The following SMCHD1 variants were observed in gnomAD, a reference collection of about 807,000 sequenced individuals.
SMCHD1 encodes structural maintenance of chromosomes flexible hinge domain containing 1, also known as structural maintenance of chromosomes flexible hinge domain-containing protein 1.
SMCHD1 carries 78 observed loss-of-function variants against 254.7 expected under a neutral mutation model. The ratio of observed to expected loss-of-function variants is 0.31; its 90% CI spans 0.26 to 0.37. The LOEUF is 0.37. SMCHD1 is among the 10% of genes least tolerant of loss of function. The pLI is 1.00. For synonymous variants in SMCHD1, 766 were observed against 794.9 expected, an observed-to-expected ratio of 0.96 and a Z score of 0.61; for missense variants, 1,840 against 2,408.1, an observed-to-expected ratio of 0.76 and a Z score of 4.94.
At chr18:2,777,056 A>ACCCCCCCCCCC (rs140799401) in intron 42 of SMCHD1, among the ~76,000 whole-genome samples, 1 of 90,630 alleles carries the variant, frequency 1.1e-5, no homozygotes, top group African/African-American at 3.1e-5. Flanking sequence ...GGCATGCACC[A>ACCCCCCCCCCC]CCACCTCCCC....
intron 19 of SMCHD1, among the ~76,000 whole-genome samples, chr18:2,722,093 A>G (rs970297424): frequency 5.3e-5 from 8 of 152,190 alleles, no homozygotes; most frequent in African/African-American, 1.9e-4. Flanking sequence ...TCGAGCTTCT[A>G]TTTAACTTCA....
intron 5 of SMCHD1, among the ~76,000 whole-genome samples, chr18:2,678,750 C>T (rs1004966242): frequency 2.0e-5 from 3 of 152,000 alleles, no homozygotes; most frequent in South Asian, 2.1e-4. Flanking sequence ...CCATTAGGGC[C>T]GATCTGCCAA....
chr18:2,789,278 C>T (rs143611289), intron 45 of SMCHD1, among the ~76,000 whole-genome samples: 14 of 151,796 alleles, frequency 9.2e-5, no homozygotes, highest in African/African-American at 3.1e-4. Context: ...TGGTCCCAGG[C>T]GATCTGCCTG....
intron 5 of SMCHD1, 113 bp from the exon 6 acceptor site, chr18:2,688,280 TA>T: frequency 1.4e-6 from 1 of 696,862 alleles, no homozygotes. Flanking sequence ...ACCTTTCAGT[TA>T]GGGGTGTTTG....
intron 34 of SMCHD1, among the ~76,000 whole-genome samples, chr18:2,756,686 C>A (rs1270514814): frequency 6.6e-6 from 1 of 152,102 alleles, no homozygotes; most frequent in Non-Finnish European, 1.5e-5. Context: ...ACCTCCACCT[C>A]CCTGTTCAAG....
chr18:2,656,079 G>C lies in SMCHD1; in HGVS notation c.4G>C (p.Ala2Pro). The C allele has an allele frequency of 7.1e-7, 1 of 1,399,874 alleles. No homozygotes were observed. The highest frequency in any genetic ancestry group is 9.3e-7 in the Non-Finnish European group (1 of 1,074,600). 86.7% of individuals were successfully genotyped at this position (1,399,874 alleles called of 1,614,324 possible). Residue 2 changes from alanine to proline, a missense_variant, in exon 1 of 48, where the codon GCA (alanine) becomes CCA (proline). By Grantham distance (27) the Ala-to-Pro change is conservative (BLOSUM62 -1). This residue lies in a region of SMCHD1 where 115 missense variants were observed against 99.1 expected (regional missense o/e 1.16). Coordinates refer to ENST00000320876, the MANE Select transcript of SMCHD1 (RefSeq NM_015295.3). M[A>P]AADGGGPGGA... ...GTCTTTTCTCCTTTTCCCCAATATGGCAGCGGCGGACGGCGGCGGGCCTGG... is the reference window on the plus strand; with the variant it reads ...GTCTTTTCTCCTTTTCCCCAATATGCCAGCGGCGGACGGCGGCGGGCCTGG...
chr18:2,668,157 G>A (rs992301333), intron 3 of SMCHD1, among the ~76,000 whole-genome samples: 4 of 152,136 alleles, frequency 2.6e-5, no homozygotes, highest in African/African-American at 4.8e-5. Flanking sequence ...TGGGATTACA[G>A]GTATAAGCCA....
chr18:2,790,604 AC>A (rs2076304007), intron 45 of SMCHD1, among the ~76,000 whole-genome samples: 1 of 152,140 alleles, frequency 6.6e-6, no homozygotes, highest in African/African-American at 2.4e-5. Flanking sequence ...TACTAAAAAT[AC>A]AAAAAATTAG....
rs1002622606 is a variant in SMCHD1, at chr18:2,778,004, C to T, written c.5476+89C>T. The T allele has an allele frequency of 3.9e-5, 40 of 1,026,072 alleles. No individual in the cohort carries two copies. In the African/African-American group the frequency reaches 6.3e-4, roughly 16 times the overall value. 63.6% of individuals were successfully genotyped at this position (1,026,072 alleles called of 1,614,324 possible). A position where few individuals can be genotyped will look rare whatever the true frequency, so the allele number is the denominator to read the frequency against. On this transcript the variant is annotated intron_variant, in intron 43 of 47. Coordinates refer to ENST00000320876, the MANE Select transcript of SMCHD1 (RefSeq NM_015295.3). ...ATTACTGATAATGAAAATTTATATT[C>T]TTATTTTGCTTATCAGTCATAGTTT...
chr18:2,683,696 G>C (rs1012543770), intron 5 of SMCHD1, among the ~76,000 whole-genome samples: 49 of 152,140 alleles, frequency 3.2e-4, no homozygotes, highest in African/African-American at 1.2e-3. Flanking sequence ...GTAGTAACTA[G>C]GGGGTATTGA....
chr18:2,660,081 C>T (rs1456806902), intron 1 of SMCHD1, among the ~76,000 whole-genome samples: 1 of 152,104 alleles, frequency 6.6e-6, no homozygotes, highest in Non-Finnish European at 1.5e-5. Flanking sequence ...CCCAACACTT[C>T]GGGAGGCCAA....
At chr18:2,782,761 A>ACAAC (rs1476651085) in intron 44 of SMCHD1, among the ~76,000 whole-genome samples, 207 of 150,890 alleles carry the variant, frequency 1.4e-3, no homozygotes, top group African/African-American at 4.6e-3. Context: ...AAAAAAAAAA[A>ACAAC]AAAAAAAAAA....
At chr18:2,690,189 A>AAAAT (rs1186799146) in intron 7 of SMCHD1, among the ~76,000 whole-genome samples, 1 of 152,224 alleles carries the variant, frequency 6.6e-6, no homozygotes, top group African/African-American at 2.4e-5. Context: ...TCAGCTTTTT[A>AAAAT]AAATATATAC....
chr18:2,738,212 C>A (rs1393269218), intron 25 of SMCHD1, among the ~76,000 whole-genome samples, 185 bp from the exon 26 acceptor site: 1 of 151,990 alleles, frequency 6.6e-6, no homozygotes, highest in African/African-American at 2.4e-5. Context: ...ATATTAACAA[C>A]AAAGACAAAG....
chr18:2,768,851 A>G (rs1040269725), intron 37 of SMCHD1, among the ~76,000 whole-genome samples: 2 of 150,316 alleles, frequency 1.3e-5, no homozygotes, highest in African/African-American at 4.8e-5. Context: ...CATTTATGTA[A>G]GTCTGTTGAA....
chr18:2,797,731 C>T (rs2076287409), intron 47 of SMCHD1, among the ~76,000 whole-genome samples: 1 of 152,158 alleles, frequency 6.6e-6, no homozygotes, highest in African/African-American at 2.4e-5. Flanking sequence ...TGGAGACCAG[C>T]CTGGCCAACA....
rs371330960 is a variant in SMCHD1, at chr18:2,666,250, C to T, written c.262+18C>T. The T allele has an allele frequency of 1.7e-5, 21 of 1,209,666 alleles. No homozygotes were observed. The highest frequency in any genetic ancestry group is 1.9e-5 in the Non-Finnish European group (16 of 830,332). 74.9% of individuals were successfully genotyped at this position (1,209,666 alleles called of 1,614,324 possible). ...TAATTTTGGTAGGTAAACAGTGTTA[C>T]TAAGTTGATGCTTTTATATTTAATA... On this transcript the variant is annotated intron_variant, in intron 2 of 47. Transcript: ENST00000320876.
intron 47 of SMCHD1, among the ~76,000 whole-genome samples, chr18:2,801,658 ATTTATG>A (rs1312019946): frequency 3.3e-5 from 5 of 152,116 alleles, no homozygotes; most frequent in East Asian, 1.9e-4. Flanking sequence ...GTTTCTGTAT[ATTTATG>A]TTTATGTTTT....
intron 45 of SMCHD1, among the ~76,000 whole-genome samples, chr18:2,794,096 GCAAGT>G (rs1381252108): frequency 6.6e-6 from 1 of 152,148 alleles, no homozygotes; most frequent in Admixed American, 6.5e-5. Flanking sequence ...TTTAGGTTTT[GCAAGT>G]CAAGTGGCAA....
Sources: allele counts gnomAD v4.1 joint callset (sites outside exome capture counted in the v4.1 genomes callset), GRCh38; gene constraint gnomAD v4.1.1; regional missense constraint gnomAD v4.1.1; transcripts MANE v1.5; gene names NCBI Gene and HGNC (gene_info 2026-07-23, HGNC 2026-07-21).